The following POLA1 variants were observed in gnomAD, a reference collection of about 807,000 sequenced individuals.
POLA1 encodes DNA polymerase alpha catalytic subunit.
A neutral mutation model predicts 124.0 loss-of-function variants in POLA1; 15 were observed. The observed-to-expected ratio is 0.12, with a 90% confidence interval of 0.08 to 0.19. The LOEUF is 0.19. Among genes scored for constraint, POLA1 ranks in the 10% least tolerant of loss-of-function variants. The pLI is 1.00. For missense variants in POLA1, 886 were observed against 1,103.4 expected, an observed-to-expected ratio of 0.80 and a Z score of 2.79; for synonymous variants, 408 against 389.4, an observed-to-expected ratio of 1.05 and a Z score of -0.56.
At chrX:24,755,755 C>T (rs1227491226) in intron 26 of POLA1, among the ~76,000 whole-genome samples, 1 of 111,895 alleles carries the variant, frequency 8.9e-6, no homozygotes, top group Non-Finnish European at 1.9e-5. Flanking sequence ...CCTCTAGTGA[C>T]GTAGACATTC....
chrX:24,821,024 C>T (rs933982696), intron 30 of POLA1, among the ~76,000 whole-genome samples: 27 of 111,649 alleles, frequency 2.4e-4, no homozygotes, highest in African/African-American at 7.8e-4. Context: ...CCAGTGATTT[C>T]TAGTGCCTTT....
At chrX:24,927,341 T>C (rs753813823) in intron 35 of POLA1, among the ~76,000 whole-genome samples, 1 of 111,988 alleles carries the variant, frequency 8.9e-6, no homozygotes, top group East Asian at 2.8e-4. Context: ...ATTACAGGAT[T>C]CAAAAAGAAC....
chrX:24,738,862 C>A (rs745354187), intron 19 of POLA1, among the ~76,000 whole-genome samples: 1 of 112,066 alleles, frequency 8.9e-6, no homozygotes, highest in African/African-American at 3.2e-5. Flanking sequence ...GAGGATTCTG[C>A]CACTACAGAT....
chrX:24,736,222 G>C (rs757456162), intron 18 of POLA1, among the ~76,000 whole-genome samples: 1 of 111,677 alleles, frequency 9.0e-6, no homozygotes, highest in Admixed American at 9.5e-5. Flanking sequence ...AGTGTTTGCC[G>C]TATTCTTCCC....
At position 24,909,062 on chromosome X, in the gene POLA1, G is replaced by A. The variant is rs749901472; in HGVS notation, c.4164+20940G>A. Among the ~76,000 whole-genome samples the A allele has an allele frequency of 6.3e-5, 7 of 111,986 alleles. No individual in the cohort carries two copies. The South Asian group carries it at 1.1e-3, about 18-fold the overall frequency. On this transcript the variant is annotated intron_variant, in intron 35 of 36. Coordinates refer to ENST00000379068, the MANE Select transcript of POLA1 (RefSeq NM_001330360.2). The stretch of plus-strand genomic sequence containing the variant: ...TGAGAATTGTCTGTTCATATCCTCC[G>A]CCCACTTCTTAATGGGGTTGTTTGC...
At chrX:24,719,326 C>T (rs1288613553) in intron 10 of POLA1, among the ~76,000 whole-genome samples, 1 of 111,333 alleles carries the variant, frequency 9.0e-6, no homozygotes, top group African/African-American at 3.3e-5. Flanking sequence ...TATGCTTCAG[C>T]TTATCAAATA....
intron 36 of POLA1, among the ~76,000 whole-genome samples, chrX:24,991,422 C>T (rs1001905471): frequency 8.9e-6 from 1 of 112,544 alleles, no homozygotes; most frequent in Non-Finnish European, 1.9e-5. Context: ...CGACTCTTAC[C>T]TTCTATTCTT....
intron 30 of POLA1, among the ~76,000 whole-genome samples, chrX:24,817,935 A>ATTTTTTTTTTTT (rs747221901): frequency 1.2e-5 from 1 of 81,514 alleles, no homozygotes. Context: ...TCATGACAAT[A>ATTTTTTTTTTTT]TTTTTTTTTT....
chrX:24,814,083 A>C (rs1238133869), intron 29 of POLA1, among the ~76,000 whole-genome samples: 1 of 111,814 alleles, frequency 8.9e-6, no homozygotes, highest in Non-Finnish European at 1.9e-5. Flanking sequence ...CCTTTTACCA[A>C]ATGTAAAAAT....
At chrX:24,710,278 A>C (rs1174452124) in intron 4 of POLA1, among the ~76,000 whole-genome samples, 1 of 111,497 alleles carries the variant, frequency 9.0e-6, no homozygotes, top group Non-Finnish European at 1.9e-5. Flanking sequence ...GTCACTCCCC[A>C]ATCTCTCTTC....
intron 34 of POLA1, among the ~76,000 whole-genome samples, chrX:24,851,570 G>A (rs2046562142): frequency 8.8e-6 from 1 of 113,293 alleles, no homozygotes; most frequent in African/African-American, 3.2e-5. Context: ...GACTAGTACA[G>A]CCATTGAAAG....
At chrX:24,970,125 C>A (rs1240987240) in intron 36 of POLA1, among the ~76,000 whole-genome samples, 1 of 111,814 alleles carries the variant, frequency 8.9e-6, no homozygotes, top group African/African-American at 3.3e-5. Context: ...ACAAATGGAA[C>A]AGAATAGAGA....
chrX:24,782,474 T>G (rs1374533301), intron 26 of POLA1, among the ~76,000 whole-genome samples: 1 of 112,224 alleles, frequency 8.9e-6, no homozygotes, highest in Non-Finnish European at 1.9e-5. Flanking sequence ...GCCTGCTTCC[T>G]AAGATTAAAC....
chrX:24,745,873 A>T (rs1197050721), intron 24 of POLA1, among the ~76,000 whole-genome samples: 3 of 111,902 alleles, frequency 2.7e-5, no homozygotes, highest in Admixed American at 9.5e-5. Context: ...ATAGAATCAT[A>T]CATTATATGG....
intron 31 of POLA1, among the ~76,000 whole-genome samples, chrX:24,821,969 G>A (rs1380914241): frequency 9.0e-6 from 1 of 111,045 alleles, no homozygotes; most frequent in Non-Finnish European, 1.9e-5. Context: ...GAAAAAATAT[G>A]AACTACATGA....
intron 26 of POLA1, among the ~76,000 whole-genome samples, chrX:24,783,162 C>T (rs188289951): frequency 6.3e-5 from 7 of 110,435 alleles, no homozygotes; most frequent in Non-Finnish European, 9.5e-5. Context: ...AAAAAGTAAA[C>T]GAAGTTAAGA....
At chrX:24,926,432 A>G (rs1168570734) in intron 35 of POLA1, among the ~76,000 whole-genome samples, 1 of 111,462 alleles carries the variant, frequency 9.0e-6, no homozygotes, top group African/African-American at 3.3e-5. Flanking sequence ...TACACCTAGT[A>G]TTTGTGTACT....
intron 35 of POLA1, among the ~76,000 whole-genome samples, chrX:24,912,549 A>G (rs2047464905): frequency 8.9e-6 from 1 of 112,004 alleles, no homozygotes; most frequent in East Asian, 2.8e-4. Context: ...AAAAAACAAA[A>G]GACTTGAATA....
intron 26 of POLA1, among the ~76,000 whole-genome samples, chrX:24,798,092 T>G (rs2045641441): frequency 9.0e-6 from 1 of 111,115 alleles, no homozygotes; most frequent in Admixed American, 9.6e-5. Context: ...TTGCTTTCTT[T>G]TAAAGCAGTG....
Sources: allele counts gnomAD v4.1 joint callset (sites outside exome capture counted in the v4.1 genomes callset), GRCh38; gene constraint gnomAD v4.1.1; transcripts MANE v1.5; gene names NCBI Gene and HGNC (gene_info 2026-07-23, HGNC 2026-07-21).